The following REC114 variants were observed in gnomAD, a reference collection of about 807,000 sequenced individuals.
REC114 encodes the protein meiotic recombination protein REC114.
In REC114, 27 loss-of-function variants were observed where a neutral mutation model predicts 31.3. The observed-to-expected ratio is 0.86, with a 90% CI of 0.64 to 1.19. The LOEUF (loss-of-function observed/expected upper bound fraction) is 1.19. Ranked by LOEUF, REC114 falls within the 50% of genes most tolerant of loss-of-function variation. The probability of loss-of-function intolerance (pLI) is 0.00; values close to 1 mark genes in which losing one functional copy is unlikely to be tolerated. For synonymous variants in REC114, 134 were observed against 127.7 expected (o/e 1.05, Z -0.33); for missense variants, 344 against 326.9 (o/e 1.05, Z -0.40).
chr15:73,485,272 C>T (rs1893349570), intron 2 of REC114, among the ~76,000 whole-genome samples: 1 of 152,038 alleles, frequency 6.6e-6, no homozygotes, highest in Admixed American at 6.6e-5. Context: ...TTAGTAGAGA[C>T]AGGGTTTCAC....
intron 2 of REC114, among the ~76,000 whole-genome samples, chr15:73,505,977 G>A (rs946844165): frequency 4.6e-5 from 7 of 152,126 alleles, no homozygotes; most frequent in African/African-American, 1.4e-4. Context: ...AAGAGGGCAC[G>A]CCTGCACGTG....
chr15:73,537,883 T>G (rs1894179691), intron 2 of REC114, among the ~76,000 whole-genome samples: 2 of 152,216 alleles, frequency 1.3e-5, no homozygotes, highest in South Asian at 4.1e-4. Flanking sequence ...TGTGTATTAG[T>G]CCTCTAGTTC....
At chr15:73,548,195 A>G (rs1894337059) in intron 3 of REC114, among the ~76,000 whole-genome samples, 1 of 152,016 alleles carries the variant, frequency 6.6e-6, no homozygotes, top group Non-Finnish European at 1.5e-5. Context: ...TGCAACCTCC[A>G]CCTCCCGGGT....
At chr15:73,514,924 C>T (rs1567882873) in intron 2 of REC114, among the ~76,000 whole-genome samples, 1 of 147,610 alleles carries the variant, frequency 6.8e-6, no homozygotes, top group Non-Finnish European at 1.5e-5. Context: ...GCCTTTAACA[C>T]TCTGATTTTT....
intron 1 of REC114, among the ~76,000 whole-genome samples, chr15:73,466,941 A>G (rs1476358021): frequency 6.6e-6 from 1 of 152,204 alleles, no homozygotes; most frequent in Non-Finnish European, 1.5e-5. Context: ...GTAGTACCAC[A>G]GGGAGGGAAA....
intron 1 of REC114, among the ~76,000 whole-genome samples, chr15:73,468,199 C>G (rs928026901): frequency 6.6e-6 from 1 of 152,176 alleles, no homozygotes; most frequent in Non-Finnish European, 1.5e-5. Context: ...CTGCCTATTA[C>G]AGCATTTTAA....
At chr15:73,504,208 T>C (rs1231695649) in intron 2 of REC114, among the ~76,000 whole-genome samples, 1 of 152,012 alleles carries the variant, frequency 6.6e-6, no homozygotes, top group Non-Finnish European at 1.5e-5. Context: ...GGTTTCACCA[T>C]GTTGGCCAGA....
At chr15:73,532,574 T>C (rs935496575) in intron 2 of REC114, among the ~76,000 whole-genome samples, 3 of 151,848 alleles carry the variant, frequency 2.0e-5, no homozygotes, top group African/African-American at 7.3e-5. Context: ...ACTTCCACAA[T>C]GGTTGAACTA....
chr15:73,514,271 C>T (rs922223853), intron 2 of REC114, among the ~76,000 whole-genome samples: 20 of 151,776 alleles, frequency 1.3e-4, no homozygotes, highest in African/African-American at 4.9e-4. Context: ...TTGCGCTTCC[C>T]AGGTGAGGCA....
chr15:73,551,171 G>C, intron 4 of REC114, 21 bp downstream of exon 4: 3 of 1,573,346 alleles, frequency 1.9e-6, no homozygotes, highest in Non-Finnish European at 2.6e-6. Context: ...TGATGTGTTG[G>C]TTATACAGGA....
chr15:73,546,150 A>G (rs1894305479), intron 3 of REC114, among the ~76,000 whole-genome samples: 2 of 152,220 alleles, frequency 1.3e-5, no homozygotes, highest in South Asian at 4.1e-4. Context: ...TAAGAAAGAT[A>G]GTCAACCTCA....
intron 2 of REC114, among the ~76,000 whole-genome samples, chr15:73,509,080 G>C (rs533842900): frequency 3.3e-5 from 5 of 151,824 alleles, no homozygotes; most frequent in South Asian, 4.2e-4. Context: ...AAGTGTTCCC[G>C]TTTCTCCACA....
intron 2 of REC114, among the ~76,000 whole-genome samples, chr15:73,529,987 A>G (rs1595878468): frequency 1.3e-5 from 2 of 152,148 alleles, no homozygotes; most frequent in East Asian, 3.9e-4. Context: ...TTTTGTTGAC[A>G]TTATTTATTT....
Position 73,443,281 on chromosome 15 carries a change from A to G in REC114, c.96A>G (p.Ser32=), listed in dbSNP as rs768625072. The G allele has an allele frequency of 1.1e-4, 176 of 1,581,702 alleles. No homozygotes were observed. Among genetic ancestry groups the G allele is most frequent in the Non-Finnish European group, 1.4e-4 (165 of 1,165,024 alleles). Residue 32 remains serine (S), a synonymous_variant, in exon 1 of 6, where the codon TCA becomes TCG. Coordinates refer to ENST00000331090, the MANE Select transcript of REC114 (RefSeq NM_001042367.2). Reference sequence around the variant, plus strand: ...AGCGGTACGCCCGCTGCATACCCTCAAACACCAGAGACCCACCTGGGCCAT... The same window carrying G: ...AGCGGTACGCCCGCTGCATACCCTCGAACACCAGAGACCCACCTGGGCCAT... ...PLQRYARCIP[S]NTRDPPGPCL...
At chr15:73,503,570 T>A (rs1893632375) in intron 2 of REC114, among the ~76,000 whole-genome samples, 1 of 152,186 alleles carries the variant, frequency 6.6e-6, no homozygotes, top group East Asian at 1.9e-4. Context: ...ACATGGATGT[T>A]CATTTTATTT....
At chr15:73,523,625 A>C (rs1293641229) in intron 2 of REC114, among the ~76,000 whole-genome samples, 3 of 152,184 alleles carry the variant, frequency 2.0e-5, no homozygotes, top group South Asian at 2.1e-4. Context: ...ATATGTTGTG[A>C]ATACTTTTTC....
rs1595858036 is a variant in REC114 at position 73,449,079 on chromosome 15, A to G, written c.159+5735A>G. 2.0e-5 allele frequency among the ~76,000 whole-genome samples: 3 copies of G among 152,216 alleles called. No homozygotes were observed. The East Asian group carries it at 5.8e-4, about 29-fold the overall frequency. Reference sequence around the variant, plus strand: ...AGGCTGAAAATTCCAAAAACCAGAAAACCTCTTCACCTCCAAAAGATCACA... The same window carrying G: ...AGGCTGAAAATTCCAAAAACCAGAAGACCTCTTCACCTCCAAAAGATCACA... On this transcript the variant is annotated intron_variant, in intron 1 of 5. Transcript: ENST00000331090.
rs985669174 is a variant in REC114, at chr15:73,453,227, C to G, written c.159+9883C>G. 2.0e-5 allele frequency among the ~76,000 whole-genome samples: 3 copies of G among 152,188 alleles called. No homozygotes were observed. The East Asian group carries it at 5.8e-4, about 29-fold the overall frequency. ...CAGTATGGGAGAAAACTTTTGCAAT[C>G]TATCCAGCTGACAGAGGGCTAATAT... is the stretch of plus-strand genomic sequence containing the variant. On this transcript the variant is annotated intron_variant, in intron 1 of 5. Coordinates refer to ENST00000331090, the MANE Select transcript of REC114 (RefSeq NM_001042367.2).
intron 1 of REC114, among the ~76,000 whole-genome samples, chr15:73,444,189 T>C (rs1374471298): frequency 2.0e-5 from 3 of 152,198 alleles, no homozygotes; most frequent in Non-Finnish European, 2.9e-5. Context: ...TTTCCCAAGA[T>C]TGGGGTTGCT....
Sources: allele counts gnomAD v4.1 joint callset (sites outside exome capture counted in the v4.1 genomes callset), GRCh38; gene constraint gnomAD v4.1.1; transcripts MANE v1.5; gene names NCBI Gene and HGNC (gene_info 2026-07-23, HGNC 2026-07-21).